Variants in TENM1 observed in about 807,000 individuals in gnomAD.
TENM1 encodes teneurin-1.
Under a neutral mutation model 174.8 loss-of-function variants are expected in TENM1, and 35 were observed. That is an observed-to-expected ratio of 0.20 (90% CI 0.15 to 0.27). The LOEUF (loss-of-function observed/expected upper bound fraction) is 0.27, where lower values mean the gene tolerates loss of function less well. Ranked by LOEUF, TENM1 falls within the 10% of genes least tolerant of loss-of-function variation. The pLI is 1.00. For synonymous variants in TENM1, 781 were observed against 798.7 expected (o/e 0.98, Z 0.37); for missense variants, 1,633 against 2,130.1 (o/e 0.77, Z 4.59).
intron 24 of TENM1, among the ~76,000 whole-genome samples, chrX:124,422,014 CT>C (rs1367624350): frequency 2.7e-5 from 3 of 111,990 alleles, no homozygotes; most frequent in African/African-American, 9.7e-5. Context: ...GGTGATATAA[CT>C]GAGACAATGC....
At chrX:125,126,419 T>C in the TENM1 span, among the ~76,000 whole-genome samples, 1 of 111,541 alleles carries the variant, frequency 9.0e-6, no homozygotes, top group Non-Finnish European at 1.9e-5. Context: ...ACTATATACA[T>C]GGCTTTAAGC....
intron 27 of TENM1, among the ~76,000 whole-genome samples, chrX:124,396,073 A>G (rs951399714): frequency 4.5e-5 from 5 of 111,630 alleles, no homozygotes; most frequent in African/African-American, 1.6e-4. Flanking sequence ...TCTGCCTGTC[A>G]AGACGTCTGC....
intron 2 of TENM1, among the ~76,000 whole-genome samples, chrX:124,894,809 G>A (rs1223955781): frequency 1.8e-5 from 2 of 111,714 alleles, no homozygotes; most frequent in Admixed American, 1.9e-4. Context: ...GTAGTGACCA[G>A]TCAAAGGTCT....
the TENM1 span, among the ~76,000 whole-genome samples, chrX:125,082,502 T>C: frequency 9.0e-6 from 1 of 111,209 alleles, no homozygotes; most frequent in Non-Finnish European, 1.9e-5. Context: ...GCTGGCTTTG[T>C]TTTTGTCTAA....
chrX:124,641,297 T>C (rs908203232), intron 11 of TENM1, among the ~76,000 whole-genome samples: 3 of 111,812 alleles, frequency 2.7e-5, no homozygotes, highest in Non-Finnish European at 5.6e-5. Flanking sequence ...TGGGAAACTA[T>C]AGAAGATGCT....
chrX:124,426,772 G>A (rs1323899829), intron 23 of TENM1, among the ~76,000 whole-genome samples: 1 of 112,255 alleles, frequency 8.9e-6, no homozygotes, highest in East Asian at 2.8e-4. Flanking sequence ...CTTGTGTTAT[G>A]CATGTTCTAC....
chrX:124,993,492 A>G, the TENM1 span, among the ~76,000 whole-genome samples: 1 of 110,607 alleles, frequency 9.0e-6, no homozygotes, highest in African/African-American at 3.3e-5. Context: ...ACAGCATATT[A>G]TTCAAACCCT....
chrX:125,122,843 TA>T, the TENM1 span, among the ~76,000 whole-genome samples: 1 of 63,315 alleles, frequency 1.6e-5, no homozygotes, highest in African/African-American at 4.2e-5. Context: ...TATTTTTAAT[TA>T]AAAAACAGTC....
intron 14 of TENM1, among the ~76,000 whole-genome samples, chrX:124,552,999 T>A (rs995689496): frequency 1.4e-4 from 16 of 111,344 alleles, no homozygotes; most frequent in Non-Finnish European, 3.0e-4. Context: ...TTTTTGTGGG[T>A]ACATAGTAGG....
At chrX:124,736,396 C>T (rs2053671491) in intron 4 of TENM1, among the ~76,000 whole-genome samples, 1 of 110,954 alleles carries the variant, frequency 9.0e-6, no homozygotes, top group Non-Finnish European at 1.9e-5. Context: ...CAGAGGCAAA[C>T]TTTTTTGCTC....
At chrX:124,413,201 T>C (rs1381246130) in intron 25 of TENM1, among the ~76,000 whole-genome samples, 1 of 111,933 alleles carries the variant, frequency 8.9e-6, no homozygotes, top group Non-Finnish European at 1.9e-5. Flanking sequence ...GGGAGAACTG[T>C]TAGGAGGCTG....
At position 124,414,911 on chromosome X, in the gene TENM1, A is replaced by G. The variant is rs142278644; in HGVS notation, c.4982+5400T>C. ...TCATGCTCCTCTCAGAGCAGAACTT[A>G]TACTTCCACCTGTGCAAACAATTTG... On this transcript the variant is annotated intron_variant, in intron 25 of 31. Transcript: ENST00000422452. Among the ~76,000 whole-genome samples, 1,055 of 111,751 alleles carry G rather than the reference A, an allele frequency of 9.4e-3. 11 individuals are homozygous for G. The highest frequency in any genetic ancestry group is 0.032 in the African/African-American group (977 of 30,713).
At chrX:124,854,095 A>G (rs892623987) in intron 3 of TENM1, among the ~76,000 whole-genome samples, 1 of 110,883 alleles carries the variant, frequency 9.0e-6, no homozygotes, top group African/African-American at 3.3e-5. Context: ...AGTGAAGGCA[A>G]TGATTATTGG....
chrX:124,477,711 C>T (rs1238048697), intron 22 of TENM1, among the ~76,000 whole-genome samples: 12 of 101,423 alleles, frequency 1.2e-4, no homozygotes, highest in African/African-American at 4.3e-4. Context: ...ATGATCGTGC[C>T]ACTGCACTCC....
chrX:125,049,646 T>C, the TENM1 span, among the ~76,000 whole-genome samples: 1 of 111,907 alleles, frequency 8.9e-6, no homozygotes, highest in Non-Finnish European at 1.9e-5. Flanking sequence ...TATTGTACAT[T>C]TTCACAAGCA....
the TENM1 span, among the ~76,000 whole-genome samples, chrX:125,047,142 C>A: frequency 9.9e-5 from 11 of 111,152 alleles, no homozygotes; most frequent in Admixed American, 1.1e-3. Context: ...GAATAAGAAC[C>A]TTGTTGCTTT....
At chrX:124,504,261 A>G (rs900341281) in intron 18 of TENM1, among the ~76,000 whole-genome samples, 3 of 112,524 alleles carry the variant, frequency 2.7e-5, no homozygotes, top group African/African-American at 6.4e-5. Flanking sequence ...AAGTTTGCTT[A>G]GAGTGTTGCA....
the TENM1 span, among the ~76,000 whole-genome samples, chrX:125,098,888 C>T: frequency 8.9e-6 from 1 of 112,152 alleles, no homozygotes; most frequent in Non-Finnish European, 1.9e-5. Context: ...AGACGAAATA[C>T]GGTACTATAT....
intron 5 of TENM1, among the ~76,000 whole-genome samples, chrX:124,698,453 TAC>T (rs2148483887): frequency 9.0e-6 from 1 of 111,337 alleles, no homozygotes; most frequent in African/African-American, 3.2e-5. Context: ...CCTTCTCCAT[TAC>T]CAGAAGTTTA....
Sources: gnomAD v4.1 joint callset for allele counts (sites outside exome capture counted in the v4.1 genomes callset) on GRCh38, gnomAD v4.1.1 for gene constraint, MANE v1.5 for transcripts, NCBI Gene and HGNC (gene_info 2026-07-23, HGNC 2026-07-21) for gene names.